Variants in NRXN3 observed in about 807,000 individuals in gnomAD.
NRXN3 encodes neurexin 3.
NRXN3 carries 32 observed loss-of-function variants against 137.6 expected under a neutral mutation model. The observed-to-expected ratio is 0.23, with a 90% CI of 0.18 to 0.31. NRXN3 has a LOEUF of 0.31. Among genes scored for constraint, NRXN3 ranks in the 10% least tolerant of loss-of-function variants. NRXN3 has a pLI of 1.00. For synonymous variants in NRXN3, 798 were observed against 784.5 expected (o/e 1.02, Z -0.29); for missense variants, 1,574 against 2,062.5 (o/e 0.76, Z 4.59).
At chr14:78,792,215 AAC>A (rs1175546500) in intron 8 of NRXN3, among the ~76,000 whole-genome samples, 1 of 150,464 alleles carries the variant, frequency 6.6e-6, no homozygotes, top group Non-Finnish European at 1.5e-5. Flanking sequence ...AAAAAAAAAA[AAC>A]AAATTATCTG....
rs538742174 is a variant in NRXN3 at position 78,180,427 on chromosome 14, G to A, written c.-704+9753G>A. ...ATTGGCTAAGATTGGCTGAGCTGCCGCTGCATTAAGTTAAGTGCTTTGCAT... is the reference window on the plus strand; with the variant it reads ...ATTGGCTAAGATTGGCTGAGCTGCCACTGCATTAAGTTAAGTGCTTTGCAT... On this transcript the variant is annotated intron_variant, in intron 1 of 20. Coordinates refer to ENST00000335750, the MANE Select transcript of NRXN3 (RefSeq NM_001330195.2). Among the ~76,000 whole-genome samples the A allele has an allele frequency of 6.6e-5, 10 of 152,340 alleles. No homozygotes were observed. In the South Asian group the frequency reaches 8.3e-4, roughly 13 times the overall value.
intron 16 of NRXN3, among the ~76,000 whole-genome samples, chr14:79,486,917 CT>C (rs2096661087): frequency 9.4e-5 from 1 of 10,642 alleles, no homozygotes; most frequent in Admixed American, 2.1e-3. Flanking sequence ...TACAGGTTCT[CT>C]CTCTCTCTCT....
intron 1 of NRXN3, among the ~76,000 whole-genome samples, chr14:78,185,365 C>A (rs1275747149): frequency 1.3e-5 from 2 of 152,104 alleles, no homozygotes; most frequent in African/African-American, 4.8e-5. Flanking sequence ...CTAAGGATGA[C>A]AGGCCAGGGA....
At chr14:79,126,310 T>A (rs1286561337) in intron 15 of NRXN3, among the ~76,000 whole-genome samples, 1 of 151,686 alleles carries the variant, frequency 6.6e-6, no homozygotes, top group Non-Finnish European at 1.5e-5. Context: ...TATCTCCCAA[T>A]GCTATCCCTC....
intron 15 of NRXN3, among the ~76,000 whole-genome samples, chr14:79,020,862 T>TACACACAC (rs3035451): frequency 0.062 from 9,016 of 145,100 alleles, 312 homozygotes; most frequent in Middle Eastern, 0.086. Flanking sequence ...GCTTGCATTT[T>TACACACAC]ACACACACAC....
intron 2 of NRXN3, among the ~76,000 whole-genome samples, chr14:78,264,685 C>G (rs2071394970): frequency 6.6e-6 from 1 of 152,138 alleles, no homozygotes; most frequent in African/African-American, 2.4e-5. Flanking sequence ...ACTTGGGACT[C>G]CCCTCTCTCT....
At chr14:79,622,715 G>T (rs992937602) in intron 16 of NRXN3, among the ~76,000 whole-genome samples, 1 of 152,098 alleles carries the variant, frequency 6.6e-6, no homozygotes, top group African/African-American at 2.4e-5. Context: ...TCCTGCCTCA[G>T]CCTCCTGAGT....
At chr14:78,664,540 C>A (rs911741029) in intron 6 of NRXN3, among the ~76,000 whole-genome samples, 1 of 152,148 alleles carries the variant, frequency 6.6e-6, no homozygotes, top group African/African-American at 2.4e-5. Context: ...TTCTGATGTC[C>A]CCTACTTCAT....
chr14:78,779,977 T>C (rs896615105), intron 8 of NRXN3, among the ~76,000 whole-genome samples: 2 of 151,308 alleles, frequency 1.3e-5, no homozygotes, highest in Non-Finnish European at 2.9e-5. Context: ...TCATGTATGA[T>C]CACGGGGCCA....
chr14:78,650,885 T>C (rs2097735199), intron 5 of NRXN3, among the ~76,000 whole-genome samples: 1 of 152,158 alleles, frequency 6.6e-6, no homozygotes, highest in African/African-American at 2.4e-5. Flanking sequence ...TTTTCTAGCC[T>C]GACTGTGTAA....
At chr14:78,637,663 C>T (rs1256445645) in intron 4 of NRXN3, among the ~76,000 whole-genome samples, 8 of 152,246 alleles carry the variant, frequency 5.3e-5, no homozygotes, top group Non-Finnish European at 8.8e-5. Flanking sequence ...GCTGCCAAAC[C>T]CGCATCTGTC....
intron 1 of NRXN3, among the ~76,000 whole-genome samples, chr14:78,216,500 C>T (rs1419096588): frequency 1.3e-5 from 2 of 152,128 alleles, no homozygotes; most frequent in Non-Finnish European, 2.9e-5. Flanking sequence ...GGGGAAGCTA[C>T]AGGGTTTCTT....
At chr14:78,475,101 C>T (rs974872936) in intron 4 of NRXN3, among the ~76,000 whole-genome samples, 6 of 152,050 alleles carry the variant, frequency 3.9e-5, no homozygotes, top group African/African-American at 1.4e-4. Context: ...AGAGTTTAAC[C>T]GATAGAGTGG....
At position 78,759,818 on chromosome 14, in the gene NRXN3, G is replaced by A. The variant is rs189789689; in HGVS notation, c.2045-43802G>A. Among the ~76,000 whole-genome samples, 34 of 152,272 alleles carry A rather than the reference G, an allele frequency of 2.2e-4. No individual in the cohort carries two copies. The East Asian group carries it at 6.4e-3, about 29-fold the overall frequency. On this transcript the variant is annotated intron_variant, in intron 8 of 20. Coordinates refer to ENST00000335750, the MANE Select transcript of NRXN3 (RefSeq NM_001330195.2). Reference sequence around the variant, plus strand: ...AAAGGTGTAGGGCCTGGTAAGCAAAGTTTATTATGATAGTAGCTTGATTAT... The same window carrying A: ...AAAGGTGTAGGGCCTGGTAAGCAAAATTTATTATGATAGTAGCTTGATTAT...
chr14:79,249,571 G>T, intron 15 of NRXN3, among the ~76,000 whole-genome samples: 1 of 152,162 alleles, frequency 6.6e-6, no homozygotes, highest in South Asian at 2.1e-4. Context: ...TGTGAGAGAG[G>T]CAACTCGGTT....
intron 15 of NRXN3, among the ~76,000 whole-genome samples, chr14:79,004,396 C>T (rs1466047629): frequency 6.6e-6 from 1 of 152,118 alleles, no homozygotes; most frequent in Admixed American, 6.5e-5. Flanking sequence ...CAGGCACATG[C>T]CACCATGTCC....
intron 15 of NRXN3, among the ~76,000 whole-genome samples, chr14:79,137,336 T>C (rs1318196038): frequency 1.3e-5 from 2 of 152,212 alleles, no homozygotes; most frequent in Non-Finnish European, 2.9e-5. Flanking sequence ...TTGAAACAGC[T>C]ACTGCCTACA....
intron 20 of NRXN3, among the ~76,000 whole-genome samples, chr14:79,812,345 G>T (rs541033133): frequency 2.0e-5 from 3 of 152,046 alleles, no homozygotes; most frequent in Non-Finnish European, 4.4e-5. Flanking sequence ...CAGAAATATC[G>T]CTTCCAGAAG....
At chr14:78,977,529 T>C (rs4630481) in intron 14 of NRXN3, among the ~76,000 whole-genome samples, 2 of 152,090 alleles carry the variant, frequency 1.3e-5, no homozygotes, top group Non-Finnish European at 2.9e-5. Context: ...TGAGGGATTG[T>C]GTATCACTTT....
Sources: allele counts gnomAD v4.1 joint callset (sites outside exome capture counted in the v4.1 genomes callset), GRCh38; gene constraint gnomAD v4.1.1; transcripts MANE v1.5; gene names NCBI Gene and HGNC (gene_info 2026-07-23, HGNC 2026-07-21).